Variants in ITPK1 observed in about 807,000 individuals in gnomAD.
ITPK1 encodes the protein inositol-tetrakisphosphate 1-kinase.
Under a neutral mutation model 45.3 loss-of-function variants are expected in ITPK1, and 21 were observed. That is an observed-to-expected ratio of 0.46 (90% CI 0.33 to 0.67). The LOEUF (loss-of-function observed/expected upper bound fraction) is 0.67. Among genes scored for constraint, ITPK1 ranks in the 30% least tolerant of loss-of-function variants. ITPK1 has a pLI of 0.02. For missense variants in ITPK1, 474 were observed against 573.5 expected (o/e 0.83, Z 1.77); for synonymous variants, 258 against 253.6 (o/e 1.02, Z -0.16).
intron 2 of ITPK1, among the ~76,000 whole-genome samples, chr14:93,081,977 T>C (rs1282169790): frequency 6.6e-6 from 1 of 152,176 alleles, no homozygotes; most frequent in Non-Finnish European, 1.5e-5. Flanking sequence ...CCAGGAGGCC[T>C]AGGGCAGGGC....
intron 4 of ITPK1, 91 bp from the exon 5 acceptor site, chr14:92,994,088 G>C: frequency 1.3e-6 from 1 of 792,566 alleles, no homozygotes; most frequent in Non-Finnish European, 2.2e-6. Flanking sequence ...ATCCGTTCCT[G>C]TCCTATCCTC....
Position 92,941,035 on chromosome 14 carries a change from G to A in ITPK1, c.*526C>T, listed in dbSNP as rs895954808. The A allele has an allele frequency of 8.1e-7, 1 of 1,234,954 alleles. No individual in the cohort carries two copies. Among genetic ancestry groups the A allele is most frequent in the Non-Finnish European group, 1.0e-6 (1 of 962,312 alleles). 76.5% of individuals were successfully genotyped at this position (1,234,954 alleles called of 1,614,324 possible). On this transcript the variant is annotated 3_prime_UTR_variant, in exon 11 of 11. Transcript: ENST00000267615. ...AGGGGTTAGCTGCACACCAGGCAGG[G>A]TGGGGGCTAACAAAGCCTTGGTGGA...
At chr14:93,095,263 A>G (rs1202967419) in intron 2 of ITPK1, among the ~76,000 whole-genome samples, 1 of 152,242 alleles carries the variant, frequency 6.6e-6, no homozygotes, top group Non-Finnish European at 1.5e-5. Flanking sequence ...GTAATTGTAA[A>G]TAAATCTAGC....
intron 2 of ITPK1, among the ~76,000 whole-genome samples, chr14:93,084,192 G>A (rs557481727): frequency 2.6e-4 from 40 of 152,352 alleles, no homozygotes; most frequent in Admixed American, 9.1e-4. Flanking sequence ...CCGCCACCTG[G>A]AAACAACGCG....
At chr14:93,069,236 C>G (rs1399873292) in intron 3 of ITPK1, 1 of 154,182 alleles carries the variant, frequency 6.5e-6, no homozygotes, top group African/African-American at 2.4e-5. Flanking sequence ...CCCCATGGCT[C>G]TTCCCCCATA....
chr14:93,083,152 G>A (rs1382031266), intron 2 of ITPK1, among the ~76,000 whole-genome samples: 4 of 152,138 alleles, frequency 2.6e-5, no homozygotes, highest in African/African-American at 9.7e-5. Context: ...ACACGTCCAC[G>A]GCATCCACGC....
chr14:93,088,563 C>G (rs1164614298), intron 2 of ITPK1, among the ~76,000 whole-genome samples: 2 of 152,012 alleles, frequency 1.3e-5, no homozygotes, highest in Non-Finnish European at 2.9e-5. Flanking sequence ...GCCATGGTGA[C>G]CAGGCTGGTC....
At chr14:93,055,524 G>C (rs1890184351) in intron 3 of ITPK1, among the ~76,000 whole-genome samples, 1 of 152,138 alleles carries the variant, frequency 6.6e-6, no homozygotes, top group Non-Finnish European at 1.5e-5. Flanking sequence ...AAGGCAGAGG[G>C]ATTTGGGGTT....
chr14:92,979,701 G>C (rs1001606828), intron 5 of ITPK1, among the ~76,000 whole-genome samples: 2 of 151,990 alleles, frequency 1.3e-5, no homozygotes, highest in Non-Finnish European at 2.9e-5. Context: ...ATGATTGTAA[G>C]TTTCCTGAGG....
chr14:92,941,329 C>A lies in ITPK1; in HGVS notation c.*232G>T. On this transcript the variant is annotated 3_prime_UTR_variant, in exon 11 of 11. Coordinates refer to ENST00000267615, the MANE Select transcript of ITPK1 (RefSeq NM_014216.6). ...TGTAAACTCAGTTAGGAGGTCTGCA[C>A]AGTAGAGAGCAGGCGGACGGCCCCA... 7.1e-7 allele frequency: 1 copy of A among 1,411,118 alleles called. No individual in the cohort carries two copies. The highest frequency in any genetic ancestry group is 2.6e-4 in the Middle Eastern group (1 of 3,816). 87.4% of individuals were successfully genotyped at this position (1,411,118 alleles called of 1,614,324 possible).
At chr14:93,042,444 G>A (rs1889596888) in intron 3 of ITPK1, among the ~76,000 whole-genome samples, 1 of 152,206 alleles carries the variant, frequency 6.6e-6, no homozygotes, top group South Asian at 2.1e-4. Context: ...CTAACATGCA[G>A]CCATTTGCCA....
intron 10 of ITPK1, among the ~76,000 whole-genome samples, chr14:92,942,114 C>T (rs1298339964): frequency 1.3e-5 from 2 of 152,178 alleles, no homozygotes; most frequent in African/African-American, 2.4e-5. Flanking sequence ...GCGTGCTCCT[C>T]GACCTTCAGC....
At position 92,944,390 on chromosome 14, in the gene ITPK1, C is replaced by T. The variant is rs140692951; in HGVS notation, c.901+1941G>A. On this transcript the variant is annotated intron_variant, in intron 10 of 10. Transcript: ENST00000267615. ...TCCGCCAGGCTCAGCCATAGTCCCA[C>T]CCCATCTGGGTGGCCCTTCTCTTGG... 4.6e-3 allele frequency among the ~76,000 whole-genome samples: 697 copies of T among 152,268 alleles called. 5 individuals are homozygous for T. The highest frequency in any genetic ancestry group is 0.016 in the African/African-American group (664 of 41,542).
chr14:93,020,028 G>A (rs1032795455), intron 3 of ITPK1, among the ~76,000 whole-genome samples: 3 of 152,180 alleles, frequency 2.0e-5, no homozygotes, highest in Non-Finnish European at 4.4e-5. Flanking sequence ...GGGGCCTGAG[G>A]TCTGTGGGCA....
chr14:92,993,867 C>T lies in ITPK1; in HGVS notation c.364+13G>A. The T allele has an allele frequency of 6.5e-7, 1 of 1,544,500 alleles. No individual in the cohort carries two copies. The highest frequency in any genetic ancestry group is 9.0e-7 in the Non-Finnish European group (1 of 1,116,522). On this transcript the variant is annotated intron_variant, in intron 5 of 10. Transcript: ENST00000267615. Reference sequence around the variant, plus strand: ...GCTGCCTGCCACGGATGTGGTGCCACACGTGTCCCTACCTTCCATGTAGGC... The same window carrying T: ...GCTGCCTGCCACGGATGTGGTGCCATACGTGTCCCTACCTTCCATGTAGGC...
intron 5 of ITPK1, among the ~76,000 whole-genome samples, chr14:92,988,717 T>C (rs1348527250): frequency 1.3e-5 from 2 of 152,214 alleles, no homozygotes; most frequent in African/African-American, 4.8e-5. Flanking sequence ...ACTGTGTGGA[T>C]TCTGATCCCA....
chr14:93,095,524 A>G (rs1160208845), intron 2 of ITPK1, among the ~76,000 whole-genome samples: 4 of 137,134 alleles, frequency 2.9e-5, no homozygotes, highest in African/African-American at 9.1e-5. Context: ...AGTCACACTT[A>G]TCAGCACCAC....
chr14:93,099,002 C>G (rs1298436967), intron 2 of ITPK1, among the ~76,000 whole-genome samples: 1 of 152,240 alleles, frequency 6.6e-6, no homozygotes, highest in Non-Finnish European at 1.5e-5. Context: ...CTCCCAACCT[C>G]CAGCCCAGCC....
At chr14:92,968,096 G>A (rs763432369) in intron 5 of ITPK1, among the ~76,000 whole-genome samples, 13 of 152,148 alleles carry the variant, frequency 8.5e-5, no homozygotes, top group African/African-American at 1.2e-4. Context: ...TTGGGAGGCC[G>A]AGGTGGGCCG....
Sources: gnomAD v4.1 joint callset for allele counts (sites outside exome capture counted in the v4.1 genomes callset) on GRCh38, gnomAD v4.1.1 for gene constraint, MANE v1.5 for transcripts, NCBI Gene and HGNC (gene_info 2026-07-23, HGNC 2026-07-21) for gene names.